IFT56: variants seen among roughly 807,000 people sequenced by gnomAD.
The protein encoded by IFT56 is intraflagellar transport protein 56.
chr7:139,141,256 GAAAA>G, the IFT56 span, among the ~76,000 whole-genome samples: 1 of 127,832 alleles, frequency 7.8e-6, no homozygotes. Context: ...ACAAGACTCT[GAAAA>G]AAAAAAAAAA....
chr7:139,153,450 A>T, the IFT56 span, among the ~76,000 whole-genome samples: 1 of 151,748 alleles, frequency 6.6e-6, no homozygotes, highest in Non-Finnish European at 1.5e-5. Flanking sequence ...CCGTCTCAAA[A>T]AAAAAAAAAA....
At chr7:139,190,230 TG>T in the IFT56 span, 1 of 151,368 alleles carries the variant, frequency 6.6e-6, no homozygotes, top group Non-Finnish European at 1.5e-5. Context: ...CAGTTTTTGT[TG>T]TTGTTGTTGT....
the IFT56 span, among the ~76,000 whole-genome samples, chr7:139,139,691 G>C: frequency 6.6e-6 from 1 of 152,124 alleles, no homozygotes; most frequent in South Asian, 2.1e-4. Context: ...AAGATTATAT[G>C]GACAATAGTC....
chr7:139,176,186 A>G, the IFT56 span, among the ~76,000 whole-genome samples: 1 of 152,064 alleles, frequency 6.6e-6, no homozygotes, highest in Admixed American at 6.6e-5. Flanking sequence ...ATATATTTCA[A>G]AATAACTAGA....
the IFT56 span, chr7:139,148,140 G>A: frequency 1.4e-6 from 2 of 1,445,460 alleles, no homozygotes; most frequent in African/African-American, 2.8e-5. Context: ...GTCCATTTGA[G>A]CTTTGTAATT....
At chr7:139,179,157 G>A in the IFT56 span, among the ~76,000 whole-genome samples, 13 of 152,186 alleles carry the variant, frequency 8.5e-5, no homozygotes, top group East Asian at 7.7e-4. Context: ...AAAAGTGGGA[G>A]GATCACTTGA....
chr7:139,173,489 A>C, the IFT56 span: 1 of 708,240 alleles, frequency 1.4e-6, no homozygotes, highest in Non-Finnish European at 2.6e-6. Flanking sequence ...TCGGCCTCCC[A>C]AAGTGCTGAG....
At chr7:139,187,616 T>C in the IFT56 span, 4 of 1,535,610 alleles carry the variant, frequency 2.6e-6, no homozygotes, top group East Asian at 2.3e-5. Context: ...TCTTGGATGA[T>C]ATCTTCTGAA....
chr7:139,147,118 A>G, the IFT56 span: 1 of 1,610,160 alleles, frequency 6.2e-7, no homozygotes, highest in Non-Finnish European at 8.5e-7. Flanking sequence ...GAATCTTTAC[A>G]TGTCTTTTCC....
chr7:139,188,061 A>G, the IFT56 span, among the ~76,000 whole-genome samples: 1 of 151,682 alleles, frequency 6.6e-6, no homozygotes, highest in East Asian at 1.9e-4. Flanking sequence ...TAAAATTAAT[A>G]AAATTCAGTG....
At chr7:139,135,302 A>AAC in the IFT56 span, among the ~76,000 whole-genome samples, 2 of 139,582 alleles carry the variant, frequency 1.4e-5, no homozygotes, top group East Asian at 2.3e-4. Flanking sequence ...AAAAAAACAA[A>AAC]ACAAAACTTA....
the IFT56 span, among the ~76,000 whole-genome samples, chr7:139,170,859 A>G: frequency 1.3e-5 from 2 of 152,228 alleles, no homozygotes; most frequent in Non-Finnish European, 2.9e-5. Flanking sequence ...TAGTAATCAG[A>G]CAAGAGAAAG....
chr7:139,136,260 C>T, the IFT56 span, among the ~76,000 whole-genome samples: 4 of 151,972 alleles, frequency 2.6e-5, no homozygotes, highest in African/African-American at 4.8e-5. Context: ...TGGTGTTGAG[C>T]GTGTTTTTTA....
the IFT56 span, among the ~76,000 whole-genome samples, chr7:139,136,178 GC>G: frequency 6.6e-6 from 1 of 152,124 alleles, no homozygotes; most frequent in African/African-American, 2.4e-5. Flanking sequence ...ACCTGCCTCG[GC>G]CTCCCAAAGT....
At chr7:139,150,074 A>G in the IFT56 span, among the ~76,000 whole-genome samples, 1 of 152,190 alleles carries the variant, frequency 6.6e-6, no homozygotes, top group East Asian at 1.9e-4. Flanking sequence ...TGCATGTGTC[A>G]AACTTTAAAA....
At chr7:139,175,701 C>G in the IFT56 span, among the ~76,000 whole-genome samples, 1 of 151,720 alleles carries the variant, frequency 6.6e-6, no homozygotes, top group African/African-American at 2.4e-5. Flanking sequence ...AACACTTGAA[C>G]TCATGGAGAT....
the IFT56 span, among the ~76,000 whole-genome samples, chr7:139,161,582 C>A: frequency 6.6e-6 from 1 of 152,144 alleles, no homozygotes; most frequent in African/African-American, 2.4e-5. Flanking sequence ...GAGCACTGGG[C>A]AAATCATCTA....
the IFT56 span, among the ~76,000 whole-genome samples, chr7:139,136,735 G>A: frequency 6.6e-6 from 1 of 152,214 alleles, no homozygotes; most frequent in Non-Finnish European, 1.5e-5. Context: ...CTCCCAAAAT[G>A]CTGGGATTAC....
the IFT56 span, chr7:139,179,764 G>GA: frequency 1.3e-6 from 1 of 753,556 alleles, no homozygotes; most frequent in Non-Finnish European, 2.2e-6. Context: ...TCTGTAGAAT[G>GA]AGTAAACACT....
Sources: allele counts gnomAD v4.1 joint callset (sites outside exome capture counted in the v4.1 genomes callset), GRCh38; gene constraint gnomAD v4.1.1; transcripts MANE v1.5; gene names NCBI Gene and HGNC (gene_info 2026-07-23, HGNC 2026-07-21).